The following MBD3 variants were observed in gnomAD, a reference collection of about 807,000 sequenced individuals.
MBD3 encodes the protein methyl-CpG binding domain protein 3.
Under a neutral mutation model 31.2 loss-of-function variants are expected in MBD3, and 13 were observed. The observed-to-expected ratio is 0.42, with a 90% CI of 0.27 to 0.66. MBD3 has a LOEUF of 0.66. Ranked by LOEUF, MBD3 falls within the 30% of genes least tolerant of loss-of-function variation. The pLI, the probability that MBD3 is intolerant of heterozygous loss-of-function variation, is 0.26. For missense variants in MBD3, 440 were observed against 426.5 expected, an observed-to-expected ratio of 1.03 and a Z score of -0.28; for synonymous variants, 223 against 187.4, an observed-to-expected ratio of 1.19 and a Z score of -1.55.
At position 1,575,705 on chromosome 19, in the gene MBD3, C is replaced by A. The variant is rs1202693570; in HGVS notation, c.*2459G>T. 2 of 154,270 alleles carry A rather than the reference C, an allele frequency of 1.3e-5. No individual in the cohort carries two copies. Among genetic ancestry groups the A allele is most frequent in the African/African-American group, 4.8e-5 (2 of 41,466 alleles). 9.6% of individuals were successfully genotyped at this position (154,270 alleles called of 1,614,324 possible). ...AGCACTGGGCTGGCCCCTCAGGTGC[C>A]CACGCCTACAACTCACTTCTCACCG... On this transcript the variant is annotated 3_prime_UTR_variant, in exon 7 of 7. Coordinates refer to ENST00000434436, the MANE Select transcript of MBD3 (RefSeq NM_001281453.2).
chr19:1,574,059 TG>T lies in MBD3; in HGVS notation c.*4104del, dbSNP rs1300965519. Reference sequence around the variant, plus strand: ...CTGGTGAGGCACGGTGGCTCATGCCTGTAATCCCAGCACTTTGGGAGGCCGA... The same window carrying T: ...CTGGTGAGGCACGGTGGCTCATGCCTTAATCCCAGCACTTTGGGAGGCCGA... On this transcript the variant is annotated 3_prime_UTR_variant, in exon 7 of 7. Transcript: ENST00000434436. 3 of 152,088 alleles carry T rather than the reference TG, an allele frequency of 2.0e-5. No individual in the cohort carries two copies. Among genetic ancestry groups the T allele is most frequent in the African/African-American group, 7.3e-5 (3 of 41,340 alleles). The allele number at this position is 152,088 out of a possible 1,614,324, so 9.4% of individuals were successfully genotyped here. A position where few individuals can be genotyped will look rare whatever the true frequency, so the allele number is the denominator to read the frequency against.
chr19:1,592,304 A>G (rs2060707766), intron 1 of MBD3: 1 of 162,006 alleles, frequency 6.2e-6, no homozygotes, highest in Admixed American at 6.4e-5. Context: ...TCCGGCAGCC[A>G]GTCCCTGAAC....
At chr19:1,588,778 C>CTA (rs1335559949) in intron 1 of MBD3, among the ~76,000 whole-genome samples, 1 of 72,900 alleles carries the variant, frequency 1.4e-5, no homozygotes. Context: ...GACTGTGTCT[C>CTA]CAAAAAAAAA....
intron 1 of MBD3, among the ~76,000 whole-genome samples, chr19:1,586,935 G>A (rs1003758261): frequency 2.0e-5 from 3 of 151,122 alleles, no homozygotes; most frequent in Non-Finnish European, 2.9e-5. Context: ...CCAAAGTGCT[G>A]GGATTACAGG....
intron 1 of MBD3, 73 bp downstream of exon 1, chr19:1,592,449 G>T (rs2060709462): frequency 2.9e-6 from 2 of 682,020 alleles, no homozygotes; most frequent in East Asian, 1.5e-4. Flanking sequence ...CCCGGGGCAG[G>T]GGCGCCGAGG....
chr19:1,587,945 A>G (rs1393919039), intron 1 of MBD3, among the ~76,000 whole-genome samples: 1 of 152,214 alleles, frequency 6.6e-6, no homozygotes. Context: ...GTCCTGGCCC[A>G]TGGCAGATGC....
intron 1 of MBD3, among the ~76,000 whole-genome samples, chr19:1,586,753 A>C (rs141513782): frequency 0.01 from 1,487 of 144,064 alleles, 27 homozygotes; most frequent in African/African-American, 0.037. Context: ...TGCAACCTCC[A>C]CCTCCCAGGT....
At chr19:1,591,047 G>A (rs1046675104) in intron 1 of MBD3, among the ~76,000 whole-genome samples, 5 of 152,192 alleles carry the variant, frequency 3.3e-5, no homozygotes, top group Admixed American at 6.5e-5. Flanking sequence ...GCTCAAGCTG[G>A]CCTTGGTTCT....
rs1273522721 is a variant in MBD3 at position 1,581,934 on chromosome 19, AT to A, written c.500-666del. On this transcript the variant is annotated intron_variant, in intron 4 of 6. Transcript: ENST00000434436. ...AGGCGGCCGCCACTACACCCGGCTA[AT>A]TTTTTGTATTTTTAGTAGAGACAGG... is the stretch of plus-strand genomic sequence containing the variant. Among the ~76,000 whole-genome samples, 42 of 151,846 alleles carry A rather than the reference AT, an allele frequency of 2.8e-4. 1 individual carries two copies. Among genetic ancestry groups the A allele is most frequent in the Non-Finnish European group, 5.2e-4 (35 of 67,958 alleles).
At chr19:1,581,390 C>T (rs570050337) in intron 4 of MBD3, 121 bp from the exon 5 acceptor site, 4 of 1,002,174 alleles carry the variant, frequency 4.0e-6, no homozygotes, top group Non-Finnish European at 6.0e-6. Flanking sequence ...GGAACCCCAA[C>T]TTGGGTTCCA....
In MBD3 at chr19:1,578,086, C is replaced by A; in HGVS notation, c.*78G>T. 3.3e-6 allele frequency: 2 copies of A among 602,528 alleles called. No individual in the cohort carries two copies. The highest frequency in any genetic ancestry group is 4.0e-5 in the South Asian group (2 of 50,026). The allele number at this position is 602,528 out of a possible 1,614,324, so 37.3% of individuals were successfully genotyped here. A position where few individuals can be genotyped will look rare whatever the true frequency, so the allele number is the denominator to read the frequency against. ...TCCAAGGCTGGGCTTCGCCGCCGAG[C>A]CTGGTTCACGTGGGGCCGAGGACCG... On this transcript the variant is annotated 3_prime_UTR_variant, in exon 7 of 7. Coordinates refer to ENST00000434436, the MANE Select transcript of MBD3 (RefSeq NM_001281453.2). The surrounding 1 kb of genome is among the most constrained non-coding windows in gnomAD (Gnocchi z 6.1).
rs887054690 is a variant in MBD3, at chr19:1,575,032, C to T, written c.*3132G>A. 8 of 360,360 alleles carry T rather than the reference C, an allele frequency of 2.2e-5. No individual in the cohort carries two copies. The highest frequency in any genetic ancestry group is 4.5e-5 in the Non-Finnish European group (8 of 177,628). The allele number at this position is 360,360 out of a possible 1,614,324, so 22.3% of individuals were successfully genotyped here. ...AGGGCTGGGAGGTGCATCCTCGCCA[C>T]GGGGGTCCTGAGCCTCTCCTCCCTG... On this transcript the variant is annotated 3_prime_UTR_variant, in exon 7 of 7. Coordinates refer to ENST00000434436, the MANE Select transcript of MBD3 (RefSeq NM_001281453.2).
In MBD3 at chr19:1,582,761, C is replaced by A. The variant is rs763932514; in HGVS notation, c.409-49G>T. 1.9e-5 allele frequency: 29 copies of A among 1,530,480 alleles called. 1 individual carries two copies. The highest frequency in any genetic ancestry group is 1.6e-4 in the East Asian group (7 of 43,264). The allele number at this position is 1,530,480 out of a possible 1,614,324, so 94.8% of individuals were successfully genotyped here. On this transcript the variant is annotated intron_variant, in intron 3 of 6. Coordinates refer to ENST00000434436, the MANE Select transcript of MBD3 (RefSeq NM_001281453.2). ...CTCAAGAGTGGCCCTGCCCTCTCCC[C>A]ACTCCAGGTCCTTGCTGGGCTCCAG...
intron 1 of MBD3, among the ~76,000 whole-genome samples, chr19:1,586,670 A>ATTTT (rs1161428756): frequency 2.9e-4 from 2 of 6,946 alleles, no homozygotes; most frequent in East Asian, 4.8e-3. Context: ...CACCACGCCT[A>ATTTT]ATTTTTTTTT....
intron 1 of MBD3, among the ~76,000 whole-genome samples, chr19:1,586,969 A>AT (rs1262094351): frequency 2.4e-3 from 281 of 115,770 alleles, no homozygotes; most frequent in African/African-American, 6.5e-3. Flanking sequence ...GCCCGGCCTA[A>AT]TTTTTTTTTT....
At chr19:1,584,449 T>C in intron 3 of MBD3, 91 bp downstream of exon 3, 1 of 1,565,884 alleles carries the variant, frequency 6.4e-7, no homozygotes, top group Non-Finnish European at 8.7e-7. Flanking sequence ...GCTCACTACG[T>C]CCGCTCCACG....
rs181266456 is a variant in MBD3 at position 1,578,322 on chromosome 19, G to C, written c.*5+13C>G. 6.2e-7 allele frequency: 1 copy of C among 1,601,368 alleles called. No homozygotes were observed. The highest frequency in any genetic ancestry group is 8.5e-7 in the Non-Finnish European group (1 of 1,179,694). ...GGACCCGACTCCAGGGAGCCCCCGTGGCCCCGCAGCACCTGCCCTAGACGT... is the reference window on the plus strand; with the variant it reads ...GGACCCGACTCCAGGGAGCCCCCGTCGCCCCGCAGCACCTGCCCTAGACGT... On this transcript the variant is annotated intron_variant, in intron 6 of 6. Transcript: ENST00000434436. This position sits in a 1 kb window ranked among gnomAD's most constrained non-coding sequence, Gnocchi z 6.1.
Position 1,585,542 on chromosome 19 carries a change from C to CGAGAT in MBD3, c.111-329_111-328insATCTC. On this transcript the variant is annotated intron_variant, in intron 1 of 6. Transcript: ENST00000434436. The surrounding 1 kb of genome is among the most constrained non-coding windows in gnomAD (Gnocchi z 4.1). Reference sequence around the variant, plus strand: ...CACATCGGATCCTTGCTCCAGACCCCCAACCCCGGTCCCCTCTGAATCCTC... The same window carrying CGAGAT: ...CACATCGGATCCTTGCTCCAGACCCCGAGATCAACCCCGGTCCCCTCTGAATCCTC... 2.6e-6 allele frequency: 1 copy of CGAGAT among 382,014 alleles called. No individual in the cohort carries two copies. The highest frequency in any genetic ancestry group is 4.9e-6 in the Non-Finnish European group (1 of 202,846). 23.7% of individuals were successfully genotyped at this position (382,014 alleles called of 1,614,324 possible).
intron 1 of MBD3, among the ~76,000 whole-genome samples, chr19:1,590,981 C>A (rs2060700846): frequency 6.6e-6 from 1 of 152,226 alleles, no homozygotes; most frequent in Non-Finnish European, 1.5e-5. Flanking sequence ...ATGCTCAGGG[C>A]CAGGGCCCAG....
Sources: gnomAD v4.1 joint callset for allele counts (sites outside exome capture counted in the v4.1 genomes callset) on GRCh38, gnomAD v4.1.1 for gene constraint, Gnocchi (gnomAD v3.1) non-coding constraint, MANE v1.5 for transcripts, NCBI Gene and HGNC (gene_info 2026-07-23, HGNC 2026-07-21) for gene names.